The following SV2C variants were observed in gnomAD, a reference collection of about 807,000 sequenced individuals.
SV2C encodes the protein synaptic vesicle glycoprotein 2C, also known as solute carrier family 22 member B3.
SV2C carries 49 observed loss-of-function variants against 79.7 expected under a neutral mutation model. That is an observed-to-expected ratio of 0.61 (90% CI 0.49 to 0.78). The LOEUF (loss-of-function observed/expected upper bound fraction) is 0.78, where lower values mean the gene tolerates loss of function less well. SV2C is among the 30% of genes least tolerant of loss of function. The pLI, the probability that SV2C is intolerant of heterozygous loss-of-function variation, is 0.00. For missense variants in SV2C, 833 were observed against 912.9 expected, an observed-to-expected ratio of 0.91 and a Z score of 1.13; for synonymous variants, 334 against 333.2, an observed-to-expected ratio of 1.00 and a Z score of -0.03.
chr5:76,291,716 TG>T, intron 7 of SV2C, 51 bp from the exon 8 acceptor site: 1 of 1,297,828 alleles, frequency 7.7e-7, no homozygotes, highest in Non-Finnish European at 1.1e-6. Context: ...GGTCGGGGAG[TG>T]GGGTTGACTA....
intron 12 of SV2C, among the ~76,000 whole-genome samples, chr5:76,310,381 TTC>T (rs1279448363): frequency 7.2e-5 from 11 of 152,128 alleles, no homozygotes; most frequent in African/African-American, 2.4e-4. Flanking sequence ...AGAGAGTGTA[TTC>T]ACAGCAGAGG....
At chr5:76,174,818 G>GGTCC (rs1188421392) in intron 2 of SV2C, among the ~76,000 whole-genome samples, 1 of 152,190 alleles carries the variant, frequency 6.6e-6, no homozygotes, top group Non-Finnish European at 1.5e-5. Context: ...GATAAGCAAG[G>GGTCC]GTCCTCCTGT....
At chr5:76,336,998 T>C (rs990522257), downstream of SV2C, among the ~76,000 whole-genome samples, 1 of 152,144 alleles carries the variant, frequency 6.6e-6, no homozygotes, top group African/African-American at 2.4e-5. Context: ...ATAATCAGTG[T>C]GTTAAAACAA....
At chr5:76,243,803 C>A (rs1311717475) in intron 4 of SV2C, among the ~76,000 whole-genome samples, 1 of 152,222 alleles carries the variant, frequency 6.6e-6, no homozygotes, top group Non-Finnish European at 1.5e-5. Context: ...GCCGGGCCCT[C>A]CTTGGGTGTG....
chr5:75,927,959 G>A, the SV2C span, among the ~76,000 whole-genome samples: 1 of 152,178 alleles, frequency 6.6e-6, no homozygotes, highest in Non-Finnish European at 1.5e-5. Context: ...CGGGGTTGAG[G>A]GAGAGAAGAG....
chr5:76,160,764 A>G (rs903529217), intron 2 of SV2C, among the ~76,000 whole-genome samples: 4 of 152,248 alleles, frequency 2.6e-5, no homozygotes, highest in African/African-American at 9.6e-5. Flanking sequence ...CAAATGACCA[A>G]TAAGCACATG....
At chr5:75,999,620 C>T in the SV2C span, among the ~76,000 whole-genome samples, 1 of 149,020 alleles carries the variant, frequency 6.7e-6, no homozygotes, top group Admixed American at 6.8e-5. Context: ...ATAATAAAAT[C>T]GGTGGGTGGG....
At chr5:76,352,920 T>C (rs1749669479) in intron 12 of SV2C, among the ~76,000 whole-genome samples, 1 of 151,804 alleles carries the variant, frequency 6.6e-6, no homozygotes, top group East Asian at 1.9e-4. Flanking sequence ...ATATTGAAAT[T>C]CTTTTTTTTA....
the SV2C span, among the ~76,000 whole-genome samples, chr5:75,879,805 T>C: frequency 6.6e-6 from 1 of 152,212 alleles, no homozygotes; most frequent in Non-Finnish European, 1.5e-5. Flanking sequence ...CTCCTCCACA[T>C]TGCCCTAGTA....
At chr5:75,933,740 A>G in the SV2C span, among the ~76,000 whole-genome samples, 1 of 152,138 alleles carries the variant, frequency 6.6e-6, no homozygotes, top group Non-Finnish European at 1.5e-5. Context: ...TCCTGTCTTA[A>G]TTACCCCTTT....
chr5:75,999,323 C>CAT, the SV2C span, among the ~76,000 whole-genome samples: 1 of 113,178 alleles, frequency 8.8e-6, no homozygotes, highest in African/African-American at 3.2e-5. Context: ...GATACACACA[C>CAT]ATATATATAG....
At chr5:76,202,727 A>G (rs1405432519) in intron 3 of SV2C, among the ~76,000 whole-genome samples, 2 of 152,230 alleles carry the variant, frequency 1.3e-5, no homozygotes, top group Non-Finnish European at 2.9e-5. Flanking sequence ...TGCGTTGTCC[A>G]ACATGGTAAC....
At chr5:76,179,038 T>A (rs1743632993) in intron 2 of SV2C, among the ~76,000 whole-genome samples, 1 of 152,064 alleles carries the variant, frequency 6.6e-6, no homozygotes, top group African/African-American at 2.4e-5. Context: ...CTGCCAGGAG[T>A]CAAATTGAAA....
intron 2 of SV2C, among the ~76,000 whole-genome samples, chr5:76,144,165 G>A (rs79555736): frequency 6.6e-6 from 1 of 152,310 alleles, no homozygotes; most frequent in African/African-American, 2.4e-5. Flanking sequence ...TTAAAAAAAT[G>A]CAGTGTTCCT....
chr5:76,255,382 T>C (rs979899404), intron 4 of SV2C, among the ~76,000 whole-genome samples: 1 of 152,220 alleles, frequency 6.6e-6, no homozygotes, highest in African/African-American at 2.4e-5. Context: ...GGAGACCATC[T>C]TCCCATGTCA....
chr5:76,143,108 A>T (rs1400742815), intron 2 of SV2C, among the ~76,000 whole-genome samples: 5 of 151,836 alleles, frequency 3.3e-5, no homozygotes, highest in Admixed American at 3.3e-4. Flanking sequence ...GTTGGCCAGG[A>T]TGGTCTCGAT....
intron 4 of SV2C, among the ~76,000 whole-genome samples, chr5:76,237,969 A>AACAC (rs200837649): frequency 0.022 from 2,946 of 136,972 alleles, 65 homozygotes; most frequent in East Asian, 0.065. Flanking sequence ...CCAGAGGACT[A>AACAC]ACACACACAC....
the SV2C span, among the ~76,000 whole-genome samples, chr5:76,009,994 T>G: frequency 6.1e-5 from 1 of 16,426 alleles, no homozygotes; most frequent in South Asian, 1.4e-3. Context: ...CTATTTTGTT[T>G]TTTTTTTTTT....
At chr5:76,200,915 T>A (rs987113137) in intron 3 of SV2C, among the ~76,000 whole-genome samples, 2 of 152,252 alleles carry the variant, frequency 1.3e-5, no homozygotes, top group African/African-American at 2.4e-5. Flanking sequence ...AGTGCTGGGA[T>A]TGCAGGCATG....
Sources: gnomAD v4.1 joint callset for allele counts (sites outside exome capture counted in the v4.1 genomes callset) on GRCh38, gnomAD v4.1.1 for gene constraint, MANE v1.5 for transcripts, NCBI Gene and HGNC (gene_info 2026-07-23, HGNC 2026-07-21) for gene names.